Variants in B3GAT3 observed in about 807,000 individuals in gnomAD.
B3GAT3 encodes beta-1,3-glucuronyltransferase 3, also known as galactosylgalactosylxylosylprotein 3-beta-glucuronosyltransferase 3.
Under a neutral mutation model 33.1 loss-of-function variants are expected in B3GAT3, and 19 were observed. The observed-to-expected ratio is 0.57, with a 90% CI of 0.40 to 0.84. The LOEUF is 0.84. Ranked by LOEUF, B3GAT3 falls within the 40% of genes least tolerant of loss-of-function variation. The probability of loss-of-function intolerance (pLI) is 0.00; values close to 1 mark genes in which losing one functional copy is unlikely to be tolerated. For missense variants in B3GAT3, 344 were observed against 441.5 expected, an observed-to-expected ratio of 0.78 and a Z score of 1.98; for synonymous variants, 167 against 193.5, an observed-to-expected ratio of 0.86 and a Z score of 1.14.
chr11:62,615,752 C>T lies in B3GAT3; in HGVS notation c.957G>A (p.Glu319=). 1 of 1,614,040 alleles carries T rather than the reference C, an allele frequency of 6.2e-7. No homozygotes were observed. The highest frequency in any genetic ancestry group is 2.2e-5 in the East Asian group (1 of 44,894). Residue 319 remains glutamate (E), a synonymous_variant, in exon 5 of 5, where the codon GAG becomes GAA. Coordinates refer to ENST00000265471, the MANE Select transcript of B3GAT3 (RefSeq NM_012200.4). Reference sequence around the variant, plus strand: ...CCCGGCCCTGCCGCTGCAGCTGCTCCTCCTGCTTCATCTTGGGCTTCTCTG... The same window carrying T: ...CCCGGCCCTGCCGCTGCAGCTGCTCTTCCTGCTTCATCTTGGGCTTCTCTG... The part of the protein sequence containing the change: ...TRTEKPKMKQ[E]EQLQRQGRGS...
chr11:62,618,196 A>AC (rs1237257497), intron 2 of B3GAT3, among the ~76,000 whole-genome samples: 24 of 150,810 alleles, frequency 1.6e-4, no homozygotes, highest in African/African-American at 2.2e-4. Context: ...AAAAAAAAAA[A>AC]AAAAAAAACA....
chr11:62,615,853 G>A (rs527748687), intron 4 of B3GAT3, 54 bp from the exon 5 acceptor site: 23 of 1,598,058 alleles, frequency 1.4e-5, no homozygotes, highest in Non-Finnish European at 1.9e-5. Context: ...CAGGCCTCTG[G>A]GTCCCCGAGC....
chr11:62,621,231 G>A (rs1423333094), intron 1 of B3GAT3: 2 of 456,716 alleles, frequency 4.4e-6, no homozygotes, highest in Non-Finnish European at 8.8e-6. Flanking sequence ...GGATACAGCA[G>A]GGAACAAAAC....
At position 62,621,849 on chromosome 11, in the gene B3GAT3, C is replaced by T; in HGVS notation, c.82+17G>A. 1 of 1,606,072 alleles carries T rather than the reference C, an allele frequency of 6.2e-7. No homozygotes were observed. Among genetic ancestry groups the T allele is most frequent in the Non-Finnish European group, 8.5e-7 (1 of 1,176,702 alleles). On this transcript the variant is annotated intron_variant, in intron 1 of 4. Transcript: ENST00000265471. ...CCCTCGGGCCAGCCCGCCGCACCCC[C>T]GCCCCGCCCCGCTCACCGAGCTGTA...
intron 2 of B3GAT3, among the ~76,000 whole-genome samples, chr11:62,619,724 T>TG (rs1554969086): frequency 2.2e-5 from 3 of 137,134 alleles, no homozygotes; most frequent in Admixed American, 7.5e-5. Context: ...TTTTTTTTTT[T>TG]CAGAGACAAG....
chr11:62,621,155 T>C (rs1276080070), intron 1 of B3GAT3: 1 of 457,604 alleles, frequency 2.2e-6, no homozygotes, highest in Admixed American at 2.3e-5. Context: ...GTTAAATTCA[T>C]TGATTCCATC....
At chr11:62,621,268 T>C (rs1943139704) in intron 1 of B3GAT3, 3 of 456,484 alleles carry the variant, frequency 6.6e-6, no homozygotes, top group African/African-American at 6.0e-5. Context: ...CTCATCGAGC[T>C]TTCTGTTTAG....
chr11:62,616,486 G>A lies in B3GAT3; in HGVS notation c.909+20C>T, dbSNP rs370750742. The A allele has an allele frequency of 1.4e-5, 23 of 1,613,860 alleles. No individual in the cohort carries two copies. The highest frequency in any genetic ancestry group is 1.9e-5 in the Non-Finnish European group (22 of 1,180,020). ...GTCCATCCAAGAGCCAGGTTTCTAT[G>A]CCCATCTCCATTCCCTTACCCGAGT... On this transcript the variant is annotated intron_variant, in intron 4 of 4. Transcript: ENST00000265471.
intron 4 of B3GAT3, chr11:62,616,133 A>G (rs1943018808): frequency 8.9e-6 from 5 of 561,494 alleles, no homozygotes; most frequent in Non-Finnish European, 1.5e-5. Context: ...AGTCCCAGCT[A>G]CTTGGGAGGC....
At position 62,617,337 on chromosome 11, in the gene B3GAT3, T is replaced by G. The variant is rs2134430820; in HGVS notation, c.268A>C (p.Lys90Gln). ...VTPTYARLVQKAELVRLSQTL... is the reference protein window; with the variant it reads ...VTPTYARLVQQAELVRLSQTL... ...TGGGACAGTCGTACCAGCTCTGCCTTCTGTACCAGCCTGCAGGGGAGAGAT... is the reference window on the plus strand; with the variant it reads ...TGGGACAGTCGTACCAGCTCTGCCTGCTGTACCAGCCTGCAGGGGAGAGAT... Residue 90 changes from lysine to glutamine, a missense_variant, in exon 3 of 5, where the codon AAG becomes CAG. Lys to Gln is a moderately conservative substitution (Grantham distance 53). Transcript: ENST00000265471. 6.2e-7 allele frequency: 1 copy of G among 1,612,480 alleles called. No homozygotes were observed. Among genetic ancestry groups the G allele is most frequent in the Non-Finnish European group, 8.5e-7 (1 of 1,179,932 alleles).
Position 62,616,677 on chromosome 11 carries a change from G to A in B3GAT3, c.738C>T (p.Ser246=), listed in dbSNP as rs750905248. 1.2e-6 allele frequency: 2 copies of A among 1,614,218 alleles called. No individual in the cohort carries two copies. Among genetic ancestry groups the A allele is most frequent in the Admixed American group, 1.7e-5 (1 of 60,028 alleles). ...VVGFHTAWEP[S]RPFPVDMAGF... is the part of the protein sequence containing the mutation. ...CAGCCATATCCACAGGGAAGGGCCT[G>A]CTGGGCTCCCATGCTGTGTGGAAGC... The change falls in exon 4 of 5, where the codon AGC becomes AGT. Residue 246 remains serine (S), a synonymous_variant. Coordinates refer to ENST00000265471, the MANE Select transcript of B3GAT3 (RefSeq NM_012200.4).
Position 62,621,885 on chromosome 11 carries a change from G to T in B3GAT3, c.63C>A (p.Leu21=). 6.2e-7 allele frequency: 1 copy of T among 1,612,878 alleles called. No individual in the cohort carries two copies. Among genetic ancestry groups the T allele is most frequent in the Non-Finnish European group, 8.5e-7 (1 of 1,179,342 alleles). Residue 21 remains leucine, a synonymous_variant, in exon 1 of 5, where the codon CTC becomes CTA. Coordinates refer to ENST00000265471, the MANE Select transcript of B3GAT3 (RefSeq NM_012200.4). ...GCTCACCGAGCTGTACCAGCGCGTA[G>T]AGGAGGCCGGCGATCGACACCAGGA... is the stretch of plus-strand genomic sequence containing the variant. ...AYFLVSIAGL[L]YALVQLGQPC... is the part of the protein sequence containing the mutation.
At chr11:62,620,350 T>G in intron 2 of B3GAT3, 147 bp downstream of exon 2, 1 of 799,584 alleles carries the variant, frequency 1.3e-6, no homozygotes, top group Non-Finnish European at 2.1e-6. Flanking sequence ...CCCACAAATA[T>G]TTGAGTATAA....
rs750685646 is a variant in B3GAT3 at position 62,617,322 on chromosome 11, G to T, written c.283C>A (p.Arg95=). The change falls in exon 3 of 5, where the codon CGA becomes AGA. Residue 95 remains arginine, a synonymous_variant. Transcript: ENST00000265471. ...ARLVQKAELV[R]LSQTLSLVPR... is the part of the protein sequence containing the mutation. ...ACCAGGCTCAGTGTCTGGGACAGTC[G>T]TACCAGCTCTGCCTTCTGTACCAGC... The T allele has an allele frequency of 6.2e-7, 1 of 1,612,922 alleles. No homozygotes were observed. Among genetic ancestry groups the T allele is most frequent in the Non-Finnish European group, 8.5e-7 (1 of 1,179,980 alleles).
chr11:62,620,748 T>TA, intron 1 of B3GAT3, 77 bp from the exon 2 acceptor site: 1 of 1,403,548 alleles, frequency 7.1e-7, no homozygotes, highest in South Asian at 1.2e-5. Flanking sequence ...CAAAGGGCCG[T>TA]AATCGTCTCA....
chr11:62,619,018 GTGCA>G (rs1480301313), intron 2 of B3GAT3, among the ~76,000 whole-genome samples: 7 of 150,966 alleles, frequency 4.6e-5, no homozygotes, highest in Non-Finnish European at 8.8e-5. Context: ...TGGTGTGGTG[GTGCA>G]CGCCTGTAAT....
At chr11:62,620,004 A>AT (rs1363787751) in intron 2 of B3GAT3, among the ~76,000 whole-genome samples, 2 of 151,364 alleles carry the variant, frequency 1.3e-5, no homozygotes, top group East Asian at 1.9e-4. Context: ...AAAAAGAACT[A>AT]TTTTTTTTCT....
chr11:62,621,567 C>T (rs1188595781), intron 1 of B3GAT3, among the ~76,000 whole-genome samples: 1 of 152,160 alleles, frequency 6.6e-6, no homozygotes, highest in African/African-American at 2.4e-5. Flanking sequence ...GAGAAACTGT[C>T]AGCAAGCCAG....
At chr11:62,618,985 GAA>G (rs755888755) in intron 2 of B3GAT3, among the ~76,000 whole-genome samples, 230 of 119,524 alleles carry the variant, frequency 1.9e-3, no homozygotes, top group African/African-American at 7.4e-3. Flanking sequence ...TCCATCTCGG[GAA>G]AAAAAAAAAA....
Sources: gnomAD v4.1 joint callset for allele counts (sites outside exome capture counted in the v4.1 genomes callset) on GRCh38, gnomAD v4.1.1 for gene constraint, MANE v1.5 for transcripts, NCBI Gene and HGNC (gene_info 2026-07-23, HGNC 2026-07-21) for gene names.